TNNT3: variants seen among roughly 807,000 people sequenced by gnomAD.
The protein encoded by TNNT3 is troponin T, fast skeletal muscle.
A neutral mutation model predicts 54.2 loss-of-function variants in TNNT3; 36 were observed. The observed-to-expected ratio is 0.66, with a 90% CI of 0.51 to 0.88. The LOEUF (loss-of-function observed/expected upper bound fraction) is 0.88, where lower values mean the gene tolerates loss of function less well. Among genes scored for constraint, TNNT3 ranks in the 40% least tolerant of loss-of-function variants. The pLI is 0.00. For synonymous variants in TNNT3, 120 were observed against 109.7 expected (o/e 1.09, Z -0.59); for missense variants, 291 against 331.6 (o/e 0.88, Z 0.95).
chr11:1,923,584 A>G lies in TNNT3; in HGVS notation c.49+12A>G. ...GTACGAAGAAGAAGGTAATTCTGGC[A>G]ACCACCGGAAGCCCCCCCAGCCCCT... On this transcript the variant is annotated intron_variant, in intron 4 of 15. Coordinates refer to ENST00000278317, the MANE Select transcript of TNNT3 (RefSeq NM_006757.4). 1 of 1,612,980 alleles carries G rather than the reference A, an allele frequency of 6.2e-7. No individual in the cohort carries two copies. The highest frequency in any genetic ancestry group is 8.5e-7 in the Non-Finnish European group (1 of 1,179,522).
intron 15 of TNNT3, 26 bp downstream of exon 15, chr11:1,937,029 C>A: frequency 6.3e-6 from 10 of 1,576,842 alleles, no homozygotes; most frequent in Non-Finnish European, 8.6e-6. Flanking sequence ...GTCCTCGCTC[C>A]GCACTGGGCA....
At position 1,937,212 on chromosome 11, in the gene TNNT3, G is replaced by C. The variant is rs777064166; in HGVS notation, c.722+209G>C. ...CTCTCCTGCACGCAGGGGAGCCCTGGGGGGTGGCAGAGTCAGGAGGAGGGA... is the reference window on the plus strand; with the variant it reads ...CTCTCCTGCACGCAGGGGAGCCCTGCGGGGTGGCAGAGTCAGGAGGAGGGA... On this transcript the variant is annotated intron_variant, in intron 15 of 15. Transcript: ENST00000278317. Among the ~76,000 whole-genome samples the C allele has an allele frequency of 3.3e-4, 51 of 152,254 alleles. 1 individual carries two copies. Among genetic ancestry groups the C allele is most frequent in the Non-Finnish European group, 6.3e-4 (43 of 67,970 alleles).
At position 1,923,177 on chromosome 11, in the gene TNNT3, A is replaced by G. The variant is rs547214208; in HGVS notation, c.31+116A>G. 13 of 1,436,954 alleles carry G rather than the reference A, an allele frequency of 9.0e-6. 1 individual carries two copies. The South Asian group carries it at 1.3e-4, about 14-fold the overall frequency. The allele number at this position is 1,436,954 out of a possible 1,614,324, so 89.0% of individuals were successfully genotyped here. ...CCCTTGACAGCCCTACATCAGCTGC[A>G]TCCCATGGGTGGCTTCTGAGTGACC... On this transcript the variant is annotated intron_variant, in intron 3 of 15. Coordinates refer to ENST00000278317, the MANE Select transcript of TNNT3 (RefSeq NM_006757.4).
In TNNT3 at chr11:1,934,623, C is replaced by T; in HGVS notation, c.558C>T (p.Leu186=). 6.2e-7 allele frequency: 1 copy of T among 1,609,262 alleles called. No individual in the cohort carries two copies. The highest frequency in any genetic ancestry group is 8.5e-7 in the Non-Finnish European group (1 of 1,178,284). The change falls in exon 13 of 16, where the codon CTC becomes CTT. Residue 186 remains leucine, a synonymous_variant. Coordinates refer to ENST00000278317, the MANE Select transcript of TNNT3 (RefSeq NM_006757.4). ...KKILAERRKP[L]NIDHLGEDKL... ...TTCTGGCTGAGAGACGCAAGCCGCT[C>T]AACATCGATCACCTTGGTGAAGACA... is the stretch of plus-strand genomic sequence containing the variant.
chr11:1,934,786 T>C (rs1384407816), intron 13 of TNNT3, 43 bp from the exon 14 acceptor site: 5 of 1,604,916 alleles, frequency 3.1e-6, no homozygotes, highest in African/African-American at 1.3e-5. Context: ...GGCCCTGCCT[T>C]TGGGGCTTAT....
chr11:1,929,884 T>G (rs139903501), intron 8 of TNNT3, 56 bp downstream of exon 8: 4 of 1,469,172 alleles, frequency 2.7e-6, no homozygotes, highest in Admixed American at 2.0e-5. Context: ...GTGGGGGTGG[T>G]CAAGTGAGTG....
In TNNT3 at chr11:1,934,165, G is replaced by C. The variant is rs575269835; in HGVS notation, c.366+157G>C. Reference sequence around the variant, plus strand: ...GCCCCGGCGCCCTGCAGAACCCCTTGCCAGAAAACAAATCCTGGCCAAGAC... The same window carrying C: ...GCCCCGGCGCCCTGCAGAACCCCTTCCCAGAAAACAAATCCTGGCCAAGAC... On this transcript the variant is annotated intron_variant, in intron 11 of 15. Coordinates refer to ENST00000278317, the MANE Select transcript of TNNT3 (RefSeq NM_006757.4). Among the ~76,000 whole-genome samples, 19 of 152,326 alleles carry C rather than the reference G, an allele frequency of 1.2e-4. No individual in the cohort carries two copies. In the South Asian group the frequency reaches 3.9e-3, roughly 32 times the overall value.
In TNNT3 at chr11:1,929,205, G is replaced by A. The variant is rs544471196; in HGVS notation, c.106+62G>A. The A allele has an allele frequency of 2.9e-5, 46 of 1,589,500 alleles. No individual in the cohort carries two copies. In the East Asian group the frequency reaches 9.8e-4, roughly 34 times the overall value. On this transcript the variant is annotated intron_variant, in intron 7 of 15. Coordinates refer to ENST00000278317, the MANE Select transcript of TNNT3 (RefSeq NM_006757.4). ...CTGGCTCTAGCCGACGCGAGGGAAA[G>A]AGGACAGGCTGGGGTCTCTCGCTGC...
intron 8 of TNNT3, among the ~76,000 whole-genome samples, chr11:1,930,234 C>T (rs1345394807): frequency 6.6e-6 from 1 of 152,108 alleles, no homozygotes; most frequent in Admixed American, 6.5e-5. Context: ...GGCGGGGCAG[C>T]TGGTGCAGGG....
intron 4 of TNNT3, among the ~76,000 whole-genome samples, chr11:1,924,688 C>T (rs765045367): frequency 6.6e-6 from 1 of 152,168 alleles, no homozygotes; most frequent in African/African-American, 2.4e-5. Context: ...GCCTTGTTTC[C>T]GGGTGCACTC....
intron 6 of TNNT3, among the ~76,000 whole-genome samples, chr11:1,927,435 C>T (rs376169731): frequency 2.8e-4 from 43 of 152,284 alleles, no homozygotes; most frequent in African/African-American, 8.7e-4. Context: ...CAGCTCCCCC[C>T]GTTCATGGGC....
In TNNT3 at chr11:1,925,397, C is replaced by G. The variant is rs1470060781; in HGVS notation, c.67+281C>G. 8 of 1,177,612 alleles carry G rather than the reference C, an allele frequency of 6.8e-6. No individual in the cohort carries two copies. In the African/African-American group the frequency reaches 1.2e-4, roughly 18 times the overall value. 72.9% of individuals were successfully genotyped at this position (1,177,612 alleles called of 1,614,324 possible). A position where few individuals can be genotyped will look rare whatever the true frequency, so the allele number is the denominator to read the frequency against. On this transcript the variant is annotated intron_variant, in intron 5 of 15. Coordinates refer to ENST00000278317, the MANE Select transcript of TNNT3 (RefSeq NM_006757.4). ...CACGAGGTACCAGCCAGCCAAGGGG[C>G]CCCCACATGTGGCCCTAATGTAACC...
rs535827681 is a variant in TNNT3 at position 1,932,461 on chromosome 11, C to T, written c.126-8C>T. 2 of 1,613,684 alleles carry T rather than the reference C, an allele frequency of 1.2e-6. No homozygotes were observed. Among genetic ancestry groups the T allele is most frequent in the Middle Eastern group, 1.7e-4 (1 of 5,918 alleles). On this transcript the variant is annotated splice_region_variant and splice_polypyrimidine_tract_variant and intron_variant, in intron 8 of 15. Transcript: ENST00000278317. ...CTCTGCTCACGGGCCTCTCTGTCTC[C>T]TCTTCAGACTCACTGCTCCTAAGAT...
At chr11:1,925,492 C>T (rs1476582571) in intron 5 of TNNT3, 12 of 628,666 alleles carry the variant, frequency 1.9e-5, no homozygotes, top group African/African-American at 5.5e-5. Context: ...TCCCCACAGC[C>T]CCCCAGGCAG....
intron 4 of TNNT3, 102 bp from the exon 5 acceptor site, chr11:1,924,997 C>T (rs1048581863): frequency 2.9e-5 from 40 of 1,383,706 alleles, no homozygotes; most frequent in Middle Eastern, 2.5e-4. Context: ...CCCGGCCAGC[C>T]GGCCTCCTGT....
At position 1,934,210 on chromosome 11, in the gene TNNT3, A is replaced by G. The variant is rs887865375; in HGVS notation, c.367-122A>G. 18 of 1,097,116 alleles carry G rather than the reference A, an allele frequency of 1.6e-5. No homozygotes were observed. In the Admixed American group the frequency reaches 2.4e-4, roughly 15 times the overall value. The allele number at this position is 1,097,116 out of a possible 1,614,324, so 68.0% of individuals were successfully genotyped here. A position where few individuals can be genotyped will look rare whatever the true frequency, so the allele number is the denominator to read the frequency against. On this transcript the variant is annotated intron_variant, in intron 11 of 15. Coordinates refer to ENST00000278317, the MANE Select transcript of TNNT3 (RefSeq NM_006757.4). Reference sequence around the variant, plus strand: ...CAAGACCTGGAGCTTCCTTCCAGATAGTTCTAAGCCCAGGGTGGGCCCTTC... The same window carrying G: ...CAAGACCTGGAGCTTCCTTCCAGATGGTTCTAAGCCCAGGGTGGGCCCTTC...
intron 5 of TNNT3, among the ~76,000 whole-genome samples, chr11:1,925,988 C>T (rs957075893): frequency 5.3e-5 from 8 of 152,154 alleles, no homozygotes; most frequent in African/African-American, 1.7e-4. Flanking sequence ...GTCCTGGGGA[C>T]GCCTTCCATG....
chr11:1,920,633 G>T (rs1237257172), intron 1 of TNNT3, among the ~76,000 whole-genome samples: 1 of 152,184 alleles, frequency 6.6e-6, no homozygotes, highest in Non-Finnish European at 1.5e-5. Context: ...CAAGCAAGGG[G>T]CAGCGGCTTT....
At chr11:1,931,666 T>C (rs1351435785) in intron 8 of TNNT3, among the ~76,000 whole-genome samples, 1 of 152,052 alleles carries the variant, frequency 6.6e-6, no homozygotes, top group East Asian at 1.9e-4. Context: ...ATAAGTCTTC[T>C]CTGTATTTGC....
Sources: gnomAD v4.1 joint callset for allele counts (sites outside exome capture counted in the v4.1 genomes callset) on GRCh38, gnomAD v4.1.1 for gene constraint, MANE v1.5 for transcripts, NCBI Gene and HGNC (gene_info 2026-07-23, HGNC 2026-07-21) for gene names.